ENTHD1: variants seen among roughly 807,000 people sequenced by gnomAD.
ENTHD1 encodes the protein ENTH domain containing 1.
Under a neutral mutation model 39.1 loss-of-function variants are expected in ENTHD1, and 23 were observed. That is an observed-to-expected ratio of 0.59 (90% CI 0.42 to 0.83). The LOEUF (loss-of-function observed/expected upper bound fraction) is 0.83, where lower values mean the gene tolerates loss of function less well. ENTHD1 is among the 40% of genes least tolerant of loss of function. The pLI is 0.00. For synonymous variants in ENTHD1, 230 were observed against 258.2 expected (o/e 0.89, Z 1.05); for missense variants, 624 against 705.4 (o/e 0.88, Z 1.31).
At chr22:39,799,942 A>T (rs181321919) in intron 5 of ENTHD1, among the ~76,000 whole-genome samples, 9 of 152,192 alleles carry the variant, frequency 5.9e-5, no homozygotes, top group African/African-American at 2.2e-4. Context: ...CCAGGTCAGG[A>T]TGTAGTCTGG....
intron 5 of ENTHD1, among the ~76,000 whole-genome samples, chr22:39,818,987 T>C (rs2065756468): frequency 6.6e-6 from 1 of 152,130 alleles, no homozygotes; most frequent in African/African-American, 2.4e-5. Flanking sequence ...GGTGAATGGA[T>C]AAATAAACTG....
intron 5 of ENTHD1, among the ~76,000 whole-genome samples, chr22:39,777,583 C>A (rs976919955): frequency 6.6e-6 from 1 of 152,090 alleles, no homozygotes; most frequent in African/African-American, 2.4e-5. Flanking sequence ...GGCTTAATTT[C>A]TCATGGACAA....
At chr22:39,770,020 A>C (rs1232064890) in intron 5 of ENTHD1, among the ~76,000 whole-genome samples, 2 of 152,176 alleles carry the variant, frequency 1.3e-5, no homozygotes, top group Non-Finnish European at 2.9e-5. Context: ...CTTCATTCAA[A>C]GATAGTTGTA....
intron 3 of ENTHD1, among the ~76,000 whole-genome samples, chr22:39,856,192 T>G (rs1345410276): frequency 6.7e-6 from 1 of 149,462 alleles, no homozygotes; most frequent in African/African-American, 2.5e-5. Context: ...GAGAACCACT[T>G]GAACCTGGGA....
At chr22:39,761,854 AT>A (rs1452514525) in intron 6 of ENTHD1, among the ~76,000 whole-genome samples, 1 of 151,976 alleles carries the variant, frequency 6.6e-6, no homozygotes. Flanking sequence ...TCTTAAATGG[AT>A]TTGTAATAGC....
At chr22:39,786,425 T>G (rs1467653697) in intron 5 of ENTHD1, among the ~76,000 whole-genome samples, 2 of 147,954 alleles carry the variant, frequency 1.4e-5, no homozygotes, top group Admixed American at 1.3e-4. Flanking sequence ...TTACAATACA[T>G]TTTTACTTTC....
intron 6 of ENTHD1, among the ~76,000 whole-genome samples, chr22:39,759,821 T>C (rs2065216458): frequency 6.6e-6 from 1 of 152,202 alleles, no homozygotes; most frequent in Non-Finnish European, 1.5e-5. Flanking sequence ...GATTTCTTCT[T>C]TGACTCATAG....
chr22:39,845,775 G>A (rs2065982251), intron 3 of ENTHD1, among the ~76,000 whole-genome samples: 1 of 151,688 alleles, frequency 6.6e-6, no homozygotes, highest in Admixed American at 6.6e-5. Flanking sequence ...TTTTTCTGTT[G>A]AGCTACTCTT....
intron 2 of ENTHD1, among the ~76,000 whole-genome samples, chr22:39,876,772 G>T (rs949700348): frequency 6.6e-6 from 1 of 152,082 alleles, no homozygotes; most frequent in South Asian, 2.1e-4. Flanking sequence ...GGAAATTTTT[G>T]TATTAGTCAA....
chr22:39,782,369 C>T (rs1459886323), intron 5 of ENTHD1, among the ~76,000 whole-genome samples: 1 of 152,010 alleles, frequency 6.6e-6, no homozygotes, highest in Admixed American at 6.6e-5. Flanking sequence ...GGCTTCACTG[C>T]TGAGTTCCAC....
intron 3 of ENTHD1, among the ~76,000 whole-genome samples, chr22:39,860,747 T>C (rs964885279): frequency 1.3e-5 from 2 of 152,240 alleles, no homozygotes; most frequent in Non-Finnish European, 2.9e-5. Context: ...CACATTTCAC[T>C]AATGTTTTTG....
intron 4 of ENTHD1, among the ~76,000 whole-genome samples, chr22:39,830,385 T>G (rs2065859853): frequency 2.0e-5 from 3 of 152,116 alleles, no homozygotes; most frequent in African/African-American, 2.4e-5. Context: ...CCTAAAATAA[T>G]CTGTCTTTTC....
chr22:39,847,398 AT>A (rs1886283015), intron 3 of ENTHD1, among the ~76,000 whole-genome samples: 1 of 149,430 alleles, frequency 6.7e-6, no homozygotes, highest in Non-Finnish European at 1.5e-5. Flanking sequence ...GAGGGATAGC[AT>A]TAGGAGATAC....
chr22:39,886,038 G>A (rs2066376280), intron 2 of ENTHD1, among the ~76,000 whole-genome samples: 1 of 150,876 alleles, frequency 6.6e-6, no homozygotes, highest in Non-Finnish European at 1.5e-5. Context: ...TGTGTGGTAT[G>A]TGAATTATAT....
intron 5 of ENTHD1, among the ~76,000 whole-genome samples, chr22:39,784,607 A>G (rs1043102506): frequency 6.6e-6 from 1 of 151,150 alleles, no homozygotes; most frequent in Non-Finnish European, 1.5e-5. Flanking sequence ...CATAAAAGAG[A>G]ATGAAATCTT....
chr22:39,872,852 T>A (rs903814907), intron 2 of ENTHD1, among the ~76,000 whole-genome samples: 39 of 143,612 alleles, frequency 2.7e-4, no homozygotes, highest in African/African-American at 1.0e-3. Flanking sequence ...TAAAATCACT[T>A]TTTTTTTTTT....
intron 5 of ENTHD1, among the ~76,000 whole-genome samples, chr22:39,811,780 C>A (rs932640715): frequency 6.6e-6 from 1 of 151,912 alleles, no homozygotes; most frequent in African/African-American, 2.4e-5. Flanking sequence ...GAGATCCAGA[C>A]CATCCTGGCT....
intron 5 of ENTHD1, among the ~76,000 whole-genome samples, chr22:39,804,143 G>C (rs2065621447): frequency 6.6e-6 from 1 of 151,676 alleles, no homozygotes; most frequent in African/African-American, 2.4e-5. Flanking sequence ...TAGCCTGAGT[G>C]ACAAAGCAAA....
intron 2 of ENTHD1, among the ~76,000 whole-genome samples, chr22:39,868,611 C>G (rs1569175598): frequency 6.6e-6 from 1 of 152,004 alleles, no homozygotes; most frequent in Non-Finnish European, 1.5e-5. Context: ...CAATAAAACC[C>G]AAAAATTGAC....
Sources: gnomAD v4.1 joint callset for allele counts (sites outside exome capture counted in the v4.1 genomes callset) on GRCh38, gnomAD v4.1.1 for gene constraint, MANE v1.5 for transcripts, NCBI Gene and HGNC (gene_info 2026-07-23, HGNC 2026-07-21) for gene names.